ADARB1: variants seen among roughly 807,000 people sequenced by gnomAD.
ADARB1 encodes adenosine deaminase RNA specific B1.
ADARB1 carries 10 observed loss-of-function variants against 52.4 expected under a neutral mutation model. That is an observed-to-expected ratio of 0.19 (90% confidence interval 0.12 to 0.32). The LOEUF (loss-of-function observed/expected upper bound fraction) is 0.32, where lower values mean the gene tolerates loss of function less well. ADARB1 is among the 10% of genes least tolerant of loss of function. The probability of loss-of-function intolerance (pLI) is 1.00; values close to 1 mark genes in which losing one functional copy is unlikely to be tolerated. For missense variants in ADARB1, 643 were observed against 922.3 expected (o/e 0.70, Z 3.92); for synonymous variants, 349 against 371.1 (o/e 0.94, Z 0.68).
In ADARB1 at chr21:45,092,178, C is replaced by T. The variant is rs149884006; in HGVS notation, c.-220+17385C>T. Among the ~76,000 whole-genome samples, 149 of 152,168 alleles carry T rather than the reference C, an allele frequency of 9.8e-4. 1 individual carries two copies. The highest frequency in any genetic ancestry group is 3.4e-3 in the African/African-American group (142 of 41,528). ...AGTATGGGTCACTTCGCTCCTGGGC[C>T]GTCGGTTCAGAAGGTGCAGCCTTGC... On this transcript the variant is annotated intron_variant, in intron 1 of 10. Transcript: ENST00000348831.
At position 45,225,296 on chromosome 21, in the gene ADARB1, T is replaced by C; in HGVS notation, c.*3099T>C. The C allele has an allele frequency of 8.4e-7, 1 of 1,185,314 alleles. No individual in the cohort carries two copies. Among genetic ancestry groups the C allele is most frequent in the Non-Finnish European group, 1.0e-6 (1 of 958,670 alleles). The allele number at this position is 1,185,314 out of a possible 1,614,324, so 73.4% of individuals were successfully genotyped here. ...CACCTGGTCGTACGCCAGGCCCACCTCTTCCCAGCAAGGGACGCCAAAGAA... is the reference window on the plus strand; with the variant it reads ...CACCTGGTCGTACGCCAGGCCCACCCCTTCCCAGCAAGGGACGCCAAAGAA... On this transcript the variant is annotated 3_prime_UTR_variant, in exon 11 of 11. Coordinates refer to ENST00000348831, the MANE Select transcript of ADARB1 (RefSeq NM_001112.4).
At position 45,084,937 on chromosome 21, in the gene ADARB1, G is replaced by A. The variant is rs183666549; in HGVS notation, c.-220+10144G>A. On this transcript the variant is annotated intron_variant, in intron 1 of 10. Coordinates refer to ENST00000348831, the MANE Select transcript of ADARB1 (RefSeq NM_001112.4). ...TGTAAAGTGGCTTCTCGTAGTCTTC[G>A]TGAGGCTCTGGAGTCAGACACAATA... Among the ~76,000 whole-genome samples, 329 of 152,260 alleles carry A rather than the reference G, an allele frequency of 2.2e-3. 2 individuals are homozygous for A. The highest frequency in any genetic ancestry group is 7.6e-3 in the African/African-American group (314 of 41,548).
intron 1 of ADARB1, among the ~76,000 whole-genome samples, chr21:45,117,937 C>T (rs1039068944): frequency 1.3e-5 from 2 of 152,156 alleles, no homozygotes; most frequent in African/African-American, 4.8e-5. Context: ...TTTGTGAGTT[C>T]ATGTGGAAGT....
At chr21:45,075,248 A>T (rs2085875985) in intron 1 of ADARB1, among the ~76,000 whole-genome samples, 1 of 147,592 alleles carries the variant, frequency 6.8e-6, no homozygotes, top group Admixed American at 6.7e-5. Context: ...GGGGAACGGG[A>T]GGCTGCGTTG....
intron 1 of ADARB1, among the ~76,000 whole-genome samples, chr21:45,108,246 C>T (rs1039852481): frequency 6.6e-6 from 1 of 152,160 alleles, no homozygotes; most frequent in East Asian, 1.9e-4. Flanking sequence ...CACATATACA[C>T]GTACATAAAC....
Position 45,142,259 on chromosome 21 carries a change from C to T in ADARB1, c.-48+13686C>T, listed in dbSNP as rs886664077. Among the ~76,000 whole-genome samples the T allele has an allele frequency of 6.7e-4, 102 of 152,324 alleles. No homozygotes were observed. The highest frequency in any genetic ancestry group is 2.2e-3 in the African/African-American group (92 of 41,566). ...CTTTTTGTTTTTCAAATCGAACACC[C>T]GCTATACTCATTTGAGAAGTGTAGA... On this transcript the variant is annotated intron_variant, in intron 2 of 10. Coordinates refer to ENST00000348831, the MANE Select transcript of ADARB1 (RefSeq NM_001112.4). This position sits in a 1 kb window ranked among gnomAD's most constrained non-coding sequence, Gnocchi z 4.0.
intron 1 of ADARB1, among the ~76,000 whole-genome samples, chr21:45,082,921 C>A (rs1481264477): frequency 6.6e-6 from 1 of 152,244 alleles, no homozygotes; most frequent in South Asian, 2.1e-4. Context: ...CCCCCTGCGG[C>A]CTTCTTTCCT....
At chr21:45,180,006 T>C (rs1170782668) in intron 4 of ADARB1, among the ~76,000 whole-genome samples, 1 of 152,190 alleles carries the variant, frequency 6.6e-6, no homozygotes, top group Non-Finnish European at 1.5e-5. Context: ...TTTGCCTGTT[T>C]GCCTCGGTTT....
At position 45,176,700 on chromosome 21, in the gene ADARB1, C is replaced by T. The variant is rs376141952; in HGVS notation, c.963+36C>T. 15 of 1,548,242 alleles carry T rather than the reference C, an allele frequency of 9.7e-6. No homozygotes were observed. The African/African-American group carries it at 1.8e-4, about 18-fold the overall frequency. ...ATGCTGCTGCTTTAAAACACGGGGT[C>T]ATTGCTCTTGGTAATGCTTCTAGAC... On this transcript the variant is annotated intron_variant, in intron 4 of 10. Coordinates refer to ENST00000348831, the MANE Select transcript of ADARB1 (RefSeq NM_001112.4). The surrounding 1 kb of genome is among the most constrained non-coding windows in gnomAD (Gnocchi z 5.8).
At chr21:45,161,592 C>T (rs1350441851) in intron 2 of ADARB1, among the ~76,000 whole-genome samples, 3 of 152,240 alleles carry the variant, frequency 2.0e-5, no homozygotes, top group Admixed American at 2.0e-4. Flanking sequence ...TGCAGCCGCC[C>T]CTCGGCAGGA....
At chr21:45,111,114 G>T (rs901930467) in intron 1 of ADARB1, among the ~76,000 whole-genome samples, 2 of 152,130 alleles carry the variant, frequency 1.3e-5, no homozygotes, top group South Asian at 4.1e-4. Context: ...TGCAGAGCCC[G>T]CCAGGCTGTG....
chr21:45,184,689 G>C (rs2092042390), intron 7 of ADARB1: 1 of 418,222 alleles, frequency 2.4e-6, no homozygotes, highest in African/African-American at 2.0e-5. Context: ...GGGCTCAAGC[G>C]ATCCACCTGC....
intron 5 of ADARB1, among the ~76,000 whole-genome samples, chr21:45,182,307 A>C (rs1439008045): frequency 1.3e-5 from 2 of 152,198 alleles, no homozygotes; most frequent in Non-Finnish European, 2.9e-5. Context: ...ATACCAGAGG[A>C]AATGACTTCC....
chr21:45,208,742 GTGTA>G lies in ADARB1; in HGVS notation c.1747+4009_1747+4012del, dbSNP rs2092714098. 2.0e-5 allele frequency among the ~76,000 whole-genome samples: 3 copies of G among 152,108 alleles called. No homozygotes were observed. The highest frequency in any genetic ancestry group is 6.6e-5 in the Admixed American group (1 of 15,266). ...TATGAGAGAGAGAGTGTGTGTGTGT[GTGTA>G]TGCGTATTCTCCAGGTAAGAGCAGG... On this transcript the variant is annotated intron_variant, in intron 9 of 10. Transcript: ENST00000348831. This position sits in a 1 kb window ranked among gnomAD's most constrained non-coding sequence, Gnocchi z 5.6.
chr21:45,127,605 A>G (rs2088670314), intron 1 of ADARB1, among the ~76,000 whole-genome samples: 1 of 152,082 alleles, frequency 6.6e-6, no homozygotes, highest in African/African-American at 2.4e-5. Flanking sequence ...ACGCATTGTG[A>G]TGGCCTGGCC....
At chr21:45,152,109 A>G (rs895182587) in intron 2 of ADARB1, among the ~76,000 whole-genome samples, 3 of 152,106 alleles carry the variant, frequency 2.0e-5, no homozygotes, top group African/African-American at 7.2e-5. Context: ...ACTCACCTGC[A>G]CTTTATATGG....
chr21:45,158,043 G>A (rs2090756530), intron 2 of ADARB1, among the ~76,000 whole-genome samples: 2 of 152,214 alleles, frequency 1.3e-5, no homozygotes, highest in Non-Finnish European at 2.9e-5. Context: ...ATCACTGATT[G>A]TTGTTTCGTT....
chr21:45,155,115 G>A (rs370359817), intron 2 of ADARB1, among the ~76,000 whole-genome samples: 8 of 152,200 alleles, frequency 5.3e-5, no homozygotes, highest in East Asian at 1.9e-4. Flanking sequence ...GTGCTTAGTC[G>A]TGTATGCACA....
chr21:45,148,453 C>G (rs924570508), intron 2 of ADARB1, among the ~76,000 whole-genome samples: 2 of 152,346 alleles, frequency 1.3e-5, no homozygotes, highest in Non-Finnish European at 2.9e-5. Flanking sequence ...AGGCTCCTGC[C>G]TTAGCACCAG....
Sources: allele counts gnomAD v4.1 joint callset (sites outside exome capture counted in the v4.1 genomes callset), GRCh38; gene constraint gnomAD v4.1.1; non-coding constraint Gnocchi (gnomAD v3.1); transcripts MANE v1.5; gene names NCBI Gene and HGNC (gene_info 2026-07-23, HGNC 2026-07-21).